LSG1: variants seen among roughly 807,000 people sequenced by gnomAD.
LSG1 encodes large 60S subunit nuclear export GTPase 1, also known as large subunit GTPase 1 homolog.
LSG1 carries 55 observed loss-of-function variants against 82.6 expected under a neutral mutation model. The observed-to-expected ratio is 0.67, with a 90% CI of 0.54 to 0.83. LSG1 has a LOEUF of 0.83. Ranked by LOEUF, LSG1 falls within the 40% of genes least tolerant of loss-of-function variation. LSG1 has a pLI of 0.00. For synonymous variants in LSG1, 272 were observed against 282.5 expected, an observed-to-expected ratio of 0.96 and a Z score of 0.37; for missense variants, 809 against 807.9, an observed-to-expected ratio of 1.00 and a Z score of -0.02.
At chr3:194,667,376 C>T (rs1045496733) in intron 2 of LSG1, among the ~76,000 whole-genome samples, 2 of 152,086 alleles carry the variant, frequency 1.3e-5, no homozygotes, top group African/African-American at 4.8e-5. Flanking sequence ...CGAACAGATA[C>T]TGCCAAAACA....
intron 2 of LSG1, among the ~76,000 whole-genome samples, chr3:194,668,776 A>G (rs1719083073): frequency 6.6e-6 from 1 of 152,188 alleles, no homozygotes; most frequent in South Asian, 2.1e-4. Flanking sequence ...CGCTATTCAC[A>G]AGAGCCAAGA....
chr3:194,664,948 T>TAAAA (rs869077932), intron 5 of LSG1, among the ~76,000 whole-genome samples: 1 of 96,790 alleles, frequency 1.0e-5, no homozygotes, highest in Non-Finnish European at 2.4e-5. Context: ...AATAAATAAA[T>TAAAA]AAAAAACATA....
chr3:194,649,821 G>C (rs141297788), intron 10 of LSG1, among the ~76,000 whole-genome samples: 177 of 152,204 alleles, frequency 1.2e-3, no homozygotes, highest in African/African-American at 3.9e-3. Flanking sequence ...ATTTCATGAA[G>C]TCTCCTATTT....
intron 8 of LSG1, 48 bp from the exon 9 acceptor site, chr3:194,651,264 A>T: frequency 7.9e-7 from 1 of 1,269,228 alleles, no homozygotes; most frequent in South Asian, 1.2e-5. Context: ...TACATCTATC[A>T]AAAGACTCAA....
chr3:194,646,087 A>G, intron 12 of LSG1, 77 bp downstream of exon 12: 1 of 1,358,816 alleles, frequency 7.4e-7, no homozygotes, highest in Non-Finnish European at 1.0e-6. Flanking sequence ...ATAATCGAAC[A>G]GGTTACCATT....
rs904465219 is a variant in LSG1, at chr3:194,671,947, T to A, written c.99+117A>T. ...TCAGCTTGGCAGAAACTCCAACTCA[T>A]CCTTCAAAACCCGGCTGAGGCGTCC... is the stretch of plus-strand genomic sequence containing the variant. On this transcript the variant is annotated intron_variant, in intron 1 of 13. Coordinates refer to ENST00000265245, the MANE Select transcript of LSG1 (RefSeq NM_018385.3). The A allele has an allele frequency of 6.7e-6, 6 of 892,518 alleles. No individual in the cohort carries two copies. The African/African-American group carries it at 8.2e-5, about 12-fold the overall frequency. The allele number at this position is 892,518 out of a possible 1,614,324, so 55.3% of individuals were successfully genotyped here. A position where few individuals can be genotyped will look rare whatever the true frequency, so the allele number is the denominator to read the frequency against.
intron 7 of LSG1, among the ~76,000 whole-genome samples, chr3:194,655,523 G>A (rs1283781088): frequency 6.6e-6 from 1 of 152,086 alleles, no homozygotes; most frequent in East Asian, 1.9e-4. Flanking sequence ...ACTTACTGCC[G>A]AGAAGACTAA....
At chr3:194,654,040 C>A (rs1277508198) in intron 7 of LSG1, among the ~76,000 whole-genome samples, 1 of 152,054 alleles carries the variant, frequency 6.6e-6, no homozygotes, top group Non-Finnish European at 1.5e-5. Context: ...ACATACTCCT[C>A]TCTGCACAAA....
intron 1 of LSG1, among the ~76,000 whole-genome samples, chr3:194,670,833 T>A (rs1719127548): frequency 6.6e-6 from 1 of 152,102 alleles, no homozygotes; most frequent in African/African-American, 2.4e-5. Flanking sequence ...TAACCCCAGC[T>A]CCTCAAGAGG....
At chr3:194,649,067 A>C (rs1285446622) in intron 10 of LSG1, 2 of 321,576 alleles carry the variant, frequency 6.2e-6, no homozygotes, top group Admixed American at 1.0e-4. Context: ...TTTAAAGATG[A>C]CACATTTTTA....
intron 4 of LSG1, 132 bp downstream of exon 4, chr3:194,666,071 A>T: frequency 1.3e-6 from 1 of 761,098 alleles, no homozygotes; most frequent in Non-Finnish European, 2.2e-6. Flanking sequence ...ATCTATTTGC[A>T]CTTGTTAGCA....
chr3:194,643,555 T>C (rs915875993), intron 13 of LSG1, among the ~76,000 whole-genome samples: 4 of 152,130 alleles, frequency 2.6e-5, no homozygotes, highest in Non-Finnish European at 4.4e-5. Context: ...ATAATAAACA[T>C]TGACAAGGAT....
At chr3:194,654,213 C>T (rs1259316781) in intron 7 of LSG1, among the ~76,000 whole-genome samples, 1 of 152,176 alleles carries the variant, frequency 6.6e-6, no homozygotes, top group Admixed American at 6.5e-5. Context: ...GGCAGCAAAA[C>T]TCAACTCCAC....
In LSG1 at chr3:194,658,999, C is replaced by A; in HGVS notation, c.717G>T (p.Trp239Cys). 6.2e-7 allele frequency: 1 copy of A among 1,614,176 alleles called. No individual in the cohort carries two copies. Among genetic ancestry groups the A allele is most frequent in the Non-Finnish European group, 8.5e-7 (1 of 1,180,012 alleles). The change falls in exon 7 of 14, where the codon TGG (tryptophan) becomes TGT (cysteine). Residue 239 changes from tryptophan (W) to cysteine (C), a missense_variant. By Grantham distance (215) the Trp-to-Cys change is radical (BLOSUM62 -2). Transcript: ENST00000265245. ...GGGGAATGGCTCCGGCCAAAGCTGA[C>A]CAGAAAATAACCTTCACATCTTCTT... Reference protein sequence around the residue: ...FEKEDVKVIFWSALAGAIPLN... With the variant: ...FEKEDVKVIFCSALAGAIPLN...
At chr3:194,649,725 A>G (rs1432685899) in intron 10 of LSG1, among the ~76,000 whole-genome samples, 1 of 151,904 alleles carries the variant, frequency 6.6e-6, no homozygotes, top group Non-Finnish European at 1.5e-5. Context: ...TTTTTCATAT[A>G]TATGTATCTA....
chr3:194,670,163 C>T (rs1407537565), intron 1 of LSG1, 28 bp from the exon 2 acceptor site: 2 of 1,611,424 alleles, frequency 1.2e-6, no homozygotes, highest in South Asian at 1.1e-5. Context: ...GTGATAAATA[C>T]AGCTGCTCTC....
At chr3:194,649,997 G>A (rs1283537347) in intron 10 of LSG1, among the ~76,000 whole-genome samples, 1 of 151,722 alleles carries the variant, frequency 6.6e-6, no homozygotes, top group Non-Finnish European at 1.5e-5. Context: ...TCAGCTCACT[G>A]CAACCTCCGC....
chr3:194,665,258 A>G (rs781776626), intron 5 of LSG1, among the ~76,000 whole-genome samples: 1 of 152,218 alleles, frequency 6.6e-6, no homozygotes, highest in Non-Finnish European at 1.5e-5. Context: ...TTTCGTATCC[A>G]TATTTTCCAC....
chr3:194,670,168 G>A, intron 1 of LSG1, 33 bp from the exon 2 acceptor site: 3 of 1,608,734 alleles, frequency 1.9e-6, no homozygotes, highest in Non-Finnish European at 2.5e-6. Flanking sequence ...AAATACAGCT[G>A]CTCTCTTCTG....
Sources: gnomAD v4.1 joint callset for allele counts (sites outside exome capture counted in the v4.1 genomes callset) on GRCh38, gnomAD v4.1.1 for gene constraint, MANE v1.5 for transcripts, NCBI Gene and HGNC (gene_info 2026-07-23, HGNC 2026-07-21) for gene names.